The following ETFBKMT variants were observed in gnomAD, a reference collection of about 807,000 sequenced individuals.
ETFBKMT encodes electron transfer flavoprotein beta subunit lysine methyltransferase.
In ETFBKMT, 13 loss-of-function variants were observed where a neutral mutation model predicts 18.3. The ratio of observed to expected loss-of-function variants is 0.71; its 90% CI spans 0.46 to 1.13. The LOEUF (loss-of-function observed/expected upper bound fraction) is 1.13. Among genes scored for constraint, ETFBKMT ranks in the 50% most tolerant of loss-of-function variants. The probability of loss-of-function intolerance (pLI) is 0.00; values close to 1 mark genes in which losing one functional copy is unlikely to be tolerated. For missense variants in ETFBKMT, 293 were observed against 306.2 expected, an observed-to-expected ratio of 0.96 and a Z score of 0.32; for synonymous variants, 84 against 107.9, an observed-to-expected ratio of 0.78 and a Z score of 1.37.
chr12:31,666,029 G>A lies in ETFBKMT; in HGVS notation c.315-58G>A, dbSNP rs1349690608. 6 of 1,515,452 alleles carry A rather than the reference G, an allele frequency of 4.0e-6. No individual in the cohort carries two copies. The African/African-American group carries it at 7.0e-5, about 18-fold the overall frequency. 93.9% of individuals were successfully genotyped at this position (1,515,452 alleles called of 1,614,324 possible). ...TTTATGGCCAGATTTTGGGGGGCCT[G>A]TTCCCAACATTTATTTTTCCTCATC... is the stretch of plus-strand genomic sequence containing the variant. On this transcript the variant is annotated intron_variant, in intron 2 of 3. Transcript: ENST00000357721.
rs543201341 is a variant in ETFBKMT at position 31,650,626 on chromosome 12, C to CTTTTTTTTTT, written c.-114+3371_-114+3372insTTTTTTTTTT. On this transcript the variant is annotated intron_variant, in intron 1 of 3. Coordinates refer to the ETFBKMT transcript ENST00000412352. ...TGAGTGGAAGATTGAAATGACCTGA[C>CTTTTTTTTTT]CTTTTTTTTTTTTTTTAAAGAATCA... 3.3e-3 allele frequency among the ~76,000 whole-genome samples: 470 copies of CTTTTTTTTTT among 140,632 alleles called. 13 individuals are homozygous for CTTTTTTTTTT. The highest frequency in any genetic ancestry group is 0.01 in the African/African-American group (381 of 37,182). 92.3% of individuals were successfully genotyped at this position (140,632 alleles called of 152,430 possible). A position where few individuals can be genotyped will look rare whatever the true frequency, so the allele number is the denominator to read the frequency against.
In ETFBKMT at chr12:31,667,741, G is replaced by A. The variant is rs374343664; in HGVS notation, c.540G>A (p.Lys180=). Residue 180 remains lysine, a synonymous_variant, in exon 4 of 4, where the codon AAG becomes AAA. Coordinates refer to ENST00000357721, the MANE Select transcript of ETFBKMT (RefSeq NM_001135863.2). ...IQNILNLEQD[K]WDLVVLGDMF... ...ACATTTTGAATTTGGAACAAGATAA[G>A]TGGGACCTTGTTGTTCTTGGCGATA... 1.2e-6 allele frequency: 2 copies of A among 1,613,756 alleles called. No homozygotes were observed. Among genetic ancestry groups the A allele is most frequent in the Middle Eastern group, 1.6e-4 (1 of 6,082 alleles).
chr12:31,671,670 C>T lies in ETFBKMT; in HGVS notation c.*3680C>T, dbSNP rs1951274458. 1 of 152,090 alleles carries T rather than the reference C, an allele frequency of 6.6e-6. No individual in the cohort carries two copies. Among genetic ancestry groups the T allele is most frequent in the Non-Finnish European group, 1.5e-5 (1 of 68,016 alleles). 9.4% of individuals were successfully genotyped at this position (152,090 alleles called of 1,614,324 possible). A position where few individuals can be genotyped will look rare whatever the true frequency, so the allele number is the denominator to read the frequency against. On this transcript the variant is annotated 3_prime_UTR_variant, in exon 4 of 4. Transcript: ENST00000357721. ...AAGCTTACAGATGCATAAAATGTAA[C>T]TGGGAAGAGTAGCCATAAAAATCAA...
chr12:31,665,919 A>C (rs1951188163), intron 2 of ETFBKMT, among the ~76,000 whole-genome samples, 168 bp from the exon 3 acceptor site: 1 of 152,236 alleles, frequency 6.6e-6, no homozygotes, highest in African/African-American at 2.4e-5. Context: ...CGGTAAACCC[A>C]CAGCCTTCCA....
At position 31,662,027 on chromosome 12, in the gene ETFBKMT, G is replaced by A; in HGVS notation, c.74G>A (p.Gly25Asp). Residue 25 changes from glycine (G) to aspartate (D), a missense_variant, in exon 2 of 4, where the codon GGT (glycine) becomes GAT (aspartate). Transcript: ENST00000357721. ...CTCTTGCAGGCTCTGCGAAGCAGTG[G>A]TCTTCTCTTGTTTCCCTGTGGCCAG... Reference protein sequence around the residue: ...GLLLQALRSSGLLLFPCGQCP... With the variant: ...GLLLQALRSSDLLLFPCGQCP... 1.2e-6 allele frequency: 2 copies of A among 1,614,226 alleles called. No homozygotes were observed. Among genetic ancestry groups the A allele is most frequent in the South Asian group, 2.2e-5 (2 of 91,088 alleles).
intron 3 of ETFBKMT, among the ~76,000 whole-genome samples, chr12:31,666,949 G>A (rs569424321): frequency 1.3e-5 from 2 of 151,124 alleles, no homozygotes; most frequent in African/African-American, 4.9e-5. Flanking sequence ...GAGCCACCGC[G>A]CCTGGCTGAA....
chr12:31,667,953 G>A lies in ETFBKMT; in HGVS notation c.752G>A (p.Gly251Glu), dbSNP rs1565752491. 6.2e-7 allele frequency: 1 copy of A among 1,614,126 alleles called. No individual in the cohort carries two copies. Among genetic ancestry groups the A allele is most frequent in the East Asian group, 2.2e-5 (1 of 44,888 alleles). The change falls in exon 4 of 4, where the codon GGA becomes GAA. Residue 251 changes from glycine to glutamate, a missense_variant. Coordinates refer to ENST00000357721, the MANE Select transcript of ETFBKMT (RefSeq NM_001135863.2). ...GAGTCTACTAGGCAGGAAAACAGTG[G>A]ACTGACAACAAGCACAGTGTGGGGT... ...LLESTRQENS[G>E]LTTSTVWGFQ...
In ETFBKMT at chr12:31,662,512, T is replaced by C. The variant is rs552050162; in HGVS notation, c.314+245T>C. On this transcript the variant is annotated intron_variant, in intron 2 of 3. Transcript: ENST00000357721. ...TTTCTTTTTTCTTTCTTTCTTTTTT[T>C]TTTTTTTTTTTGGTAGAGACAGGAT... Among the ~76,000 whole-genome samples the C allele has an allele frequency of 9.4e-3, 1,421 of 150,506 alleles. 25 individuals carry two copies. The highest frequency in any genetic ancestry group is 0.033 in the African/African-American group (1,346 of 41,190).
At position 31,672,089 on chromosome 12, in the gene ETFBKMT, C is replaced by T. The variant is rs140375565; in HGVS notation, c.*4099C>T. On this transcript the variant is annotated 3_prime_UTR_variant, in exon 4 of 4. Transcript: ENST00000357721. ...ATTTCAAAAATAATGACTCATCCAA[C>T]AGATATAGAATAATAGCACTTTAAA... is the stretch of plus-strand genomic sequence containing the variant. The T allele has an allele frequency of 5.9e-3, 2,620 of 442,756 alleles. 128 individuals are homozygous for T. In the Admixed American group the frequency reaches 0.087, roughly 15 times the overall value. 27.4% of individuals were successfully genotyped at this position (442,756 alleles called of 1,614,324 possible).
intron 1 of ETFBKMT, among the ~76,000 whole-genome samples, chr12:31,660,423 C>T (rs1159969738): frequency 6.6e-6 from 1 of 152,098 alleles, no homozygotes; most frequent in Admixed American, 6.5e-5. Context: ...CCATTTAAAA[C>T]ATTTATGCAG....
chr12:31,648,796 T>C lies in ETFBKMT; in HGVS notation c.-114+1541T>C, dbSNP rs533837094. 3.2e-3 allele frequency among the ~76,000 whole-genome samples: 483 copies of C among 152,080 alleles called. 2 individuals are homozygous for C. Among genetic ancestry groups the C allele is most frequent in the South Asian group, 3.5e-3 (17 of 4,808 alleles). ...CAGGATGGTCTCGATCTCCTGACCTTGTGATCTGCCCACCTTGGCCTCCCA... is the reference window on the plus strand; with the variant it reads ...CAGGATGGTCTCGATCTCCTGACCTCGTGATCTGCCCACCTTGGCCTCCCA... On this transcript the variant is annotated intron_variant, in intron 1 of 3. Transcript: ENST00000412352.
chr12:31,657,553 G>T (rs936282026), upstream of ETFBKMT, among the ~76,000 whole-genome samples: 1 of 152,068 alleles, frequency 6.6e-6, no homozygotes, highest in African/African-American at 2.4e-5. Context: ...CAACACTTTG[G>T]GAGGCCGAGG....
intron 1 of ETFBKMT, among the ~76,000 whole-genome samples, chr12:31,651,493 CTAATTTT>C: frequency 2.0e-5 from 3 of 151,910 alleles, no homozygotes; most frequent in African/African-American, 7.3e-5. Flanking sequence ...CCACGCATGG[CTAATTTT>C]TGTATTTTTA....
upstream of ETFBKMT, among the ~76,000 whole-genome samples, chr12:31,655,798 G>T (rs1951057351): frequency 6.6e-6 from 1 of 152,170 alleles, no homozygotes. Context: ...ACGGGCCACA[G>T]ACTCATGTTT....
chr12:31,649,358 G>C (rs1180429910), intron 1 of ETFBKMT, among the ~76,000 whole-genome samples: 1 of 152,192 alleles, frequency 6.6e-6, no homozygotes, highest in East Asian at 1.9e-4. Flanking sequence ...AAAACATTAT[G>C]CTCAATGAAA....
At chr12:31,662,326 CAA>C in intron 2 of ETFBKMT, 59 bp downstream of exon 2, 2 of 1,511,382 alleles carry the variant, frequency 1.3e-6, no homozygotes, top group Non-Finnish European at 1.8e-6. Flanking sequence ...CAGTTCCCTC[CAA>C]CCTCTACAAA....
At chr12:31,656,460 G>A (rs1420921227), upstream of ETFBKMT, among the ~76,000 whole-genome samples, 2 of 152,196 alleles carry the variant, frequency 1.3e-5, no homozygotes, top group Non-Finnish European at 2.9e-5. Context: ...GGCCAGGAAA[G>A]CTGTGGTCAG....
upstream of ETFBKMT, among the ~76,000 whole-genome samples, chr12:31,655,444 T>A (rs1951054270): frequency 6.6e-6 from 1 of 152,214 alleles, no homozygotes; most frequent in African/African-American, 2.4e-5. Context: ...CAACTGTCAC[T>A]TTAAGTCTGT....
At chr12:31,648,682 C>T (rs1950989275) in intron 1 of ETFBKMT, among the ~76,000 whole-genome samples, 1 of 151,812 alleles carries the variant, frequency 6.6e-6, no homozygotes, top group Non-Finnish European at 1.5e-5. Context: ...CTGCCTCAGC[C>T]TCCCAGGTAG....
Sources: gnomAD v4.1 joint callset for allele counts (sites outside exome capture counted in the v4.1 genomes callset) on GRCh38, gnomAD v4.1.1 for gene constraint, MANE v1.5 for transcripts, NCBI Gene and HGNC (gene_info 2026-07-23, HGNC 2026-07-21) for gene names.